Variants in EGLN1 observed in about 807,000 individuals in gnomAD.
The protein encoded by EGLN1 is egl-9 family hypoxia inducible factor 1.
In EGLN1, 17 loss-of-function variants were observed where a neutral mutation model predicts 38.3. The ratio of observed to expected loss-of-function variants is 0.44; its 90% CI spans 0.30 to 0.67. EGLN1 has a LOEUF of 0.67. Ranked by LOEUF, EGLN1 falls within the 30% of genes least tolerant of loss-of-function variation. The pLI is 0.08. For synonymous variants in EGLN1, 283 were observed against 257.5 expected (o/e 1.10, Z -0.95); for missense variants, 477 against 603.3 (o/e 0.79, Z 2.19).
intron 1 of EGLN1, among the ~76,000 whole-genome samples, chr1:231,410,081 G>T (rs1267855599): frequency 6.6e-6 from 1 of 152,162 alleles, no homozygotes; most frequent in Non-Finnish European, 1.5e-5. Flanking sequence ...CACTGCCAAG[G>T]AAGAACTGAC....
At chr1:231,375,419 T>C (rs369905948) in intron 1 of EGLN1, among the ~76,000 whole-genome samples, 2 of 152,224 alleles carry the variant, frequency 1.3e-5, no homozygotes, top group East Asian at 3.8e-4. Flanking sequence ...TGAATTAGTA[T>C]AAAGTTATCA....
At chr1:231,403,605 T>C (rs950838746) in intron 1 of EGLN1, among the ~76,000 whole-genome samples, 1 of 151,506 alleles carries the variant, frequency 6.6e-6, no homozygotes, top group Admixed American at 6.6e-5. Flanking sequence ...ACCCTGTCTC[T>C]ACTAAAAATA....
chr1:231,366,142 C>A lies in EGLN1; in HGVS notation c.*269G>T. Reference sequence around the variant, plus strand: ...AGAATGAAAAAAATTCTACACAGGGCACTTATTTCATATCCAGATGTAAAA... The same window carrying A: ...AGAATGAAAAAAATTCTACACAGGGAACTTATTTCATATCCAGATGTAAAA... On this transcript the variant is annotated 3_prime_UTR_variant, in exon 5 of 5. Coordinates refer to ENST00000366641, the MANE Select transcript of EGLN1 (RefSeq NM_022051.3). 2.0e-6 allele frequency: 1 copy of A among 509,678 alleles called. No homozygotes were observed. The highest frequency in any genetic ancestry group is 3.5e-6 in the Non-Finnish European group (1 of 287,342). The allele number at this position is 509,678 out of a possible 1,614,324, so 31.6% of individuals were successfully genotyped here.
chr1:231,378,916 T>C (rs751701663), intron 1 of EGLN1, among the ~76,000 whole-genome samples: 6 of 152,240 alleles, frequency 3.9e-5, no homozygotes, highest in African/African-American at 1.4e-4. Context: ...TGCTTTGACA[T>C]AGCACTATGC....
At chr1:231,416,783 T>C (rs553862263) in intron 1 of EGLN1, among the ~76,000 whole-genome samples, 7 of 152,334 alleles carry the variant, frequency 4.6e-5, no homozygotes, top group African/African-American at 1.7e-4. Flanking sequence ...GATCACAATC[T>C]ATTAAGACTA....
At position 231,367,491 on chromosome 1, in the gene EGLN1, T is replaced by C. The variant is rs1009959986; in HGVS notation, c.1216+78A>G. 5.0e-5 allele frequency: 70 copies of C among 1,391,718 alleles called. 1 individual carries two copies. In the South Asian group the frequency reaches 7.7e-4, roughly 15 times the overall value. 86.2% of individuals were successfully genotyped at this position (1,391,718 alleles called of 1,614,324 possible). On this transcript the variant is annotated intron_variant, in intron 4 of 4. Coordinates refer to ENST00000366641, the MANE Select transcript of EGLN1 (RefSeq NM_022051.3). ...GTATTCATGGTGTTAACAAAGACTA[T>C]GCTTGAGTTTCCTGAAAGCATCACC... is the stretch of plus-strand genomic sequence containing the variant.
intron 1 of EGLN1, among the ~76,000 whole-genome samples, chr1:231,380,483 A>C (rs985621428): frequency 9.7e-5 from 12 of 124,120 alleles, no homozygotes; most frequent in African/African-American, 3.1e-4. Flanking sequence ...TATTTTAAAA[A>C]GACATATAAG....
intron 1 of EGLN1, among the ~76,000 whole-genome samples, chr1:231,402,314 A>AT (rs1688682364): frequency 1.9e-5 from 2 of 106,620 alleles, no homozygotes; most frequent in Non-Finnish European, 4.8e-5. Context: ...ACATGGTCTA[A>AT]TTTATCAGTG....
chr1:231,408,697 G>C (rs1424562366), intron 1 of EGLN1, among the ~76,000 whole-genome samples: 1 of 152,144 alleles, frequency 6.6e-6, no homozygotes, highest in Non-Finnish European at 1.5e-5. Flanking sequence ...CTCGCCTCAA[G>C]TGGCTCACTA....
At chr1:231,370,859 T>C (rs1687803802) in intron 2 of EGLN1, among the ~76,000 whole-genome samples, 161 bp from the exon 3 acceptor site, 1 of 152,222 alleles carries the variant, frequency 6.6e-6, no homozygotes, top group African/African-American at 2.4e-5. Flanking sequence ...GTATATGCAC[T>C]GATGCAAGGA....
chr1:231,365,178 T>C lies in EGLN1; in HGVS notation c.*1233A>G, dbSNP rs566624356. 1 of 152,280 alleles carries C rather than the reference T, an allele frequency of 6.6e-6. No homozygotes were observed. The highest frequency in any genetic ancestry group is 2.4e-5 in the African/African-American group (1 of 41,556). The allele number at this position is 152,280 out of a possible 1,614,324, so 9.4% of individuals were successfully genotyped here. A position where few individuals can be genotyped will look rare whatever the true frequency, so the allele number is the denominator to read the frequency against. ...GTACATAATCTCCCCTTGATGCTCT[T>C]CAACAGAGACAAGGTTCTTGTCTGC... is the stretch of plus-strand genomic sequence containing the variant. On this transcript the variant is annotated 3_prime_UTR_variant, in exon 5 of 5. Coordinates refer to ENST00000366641, the MANE Select transcript of EGLN1 (RefSeq NM_022051.3).
rs767096160 is a variant in EGLN1, at chr1:231,364,787, T to C, written c.*1624A>G. The C allele has an allele frequency of 6.6e-6, 1 of 152,196 alleles. No homozygotes were observed. The allele number at this position is 152,196 out of a possible 1,614,324, so 9.4% of individuals were successfully genotyped here. A position where few individuals can be genotyped will look rare whatever the true frequency, so the allele number is the denominator to read the frequency against. ...TGGCAAAGAAGATCAAGGACAGAGA[T>C]AGAAAACCTAAGTGGGCAAGGTCTT... On this transcript the variant is annotated 3_prime_UTR_variant, in exon 5 of 5. Transcript: ENST00000366641.
intron 1 of EGLN1, among the ~76,000 whole-genome samples, chr1:231,413,935 C>G (rs901428025): frequency 6.6e-6 from 1 of 152,104 alleles, no homozygotes; most frequent in African/African-American, 2.4e-5. Flanking sequence ...AGAAATGAAA[C>G]TAATTCTGAA....
At chr1:231,385,882 G>A (rs536164542) in intron 1 of EGLN1, among the ~76,000 whole-genome samples, 2 of 152,176 alleles carry the variant, frequency 1.3e-5, no homozygotes, top group South Asian at 2.1e-4. Flanking sequence ...CCTGAGACAC[G>A]GTCTTGCTCT....
At chr1:231,420,261 A>C (rs558341611) in intron 1 of EGLN1, 1 of 152,268 alleles carries the variant, frequency 6.6e-6, no homozygotes, top group South Asian at 2.1e-4. Context: ...GTTACAAAAC[A>C]GTTTTCAACA....
At chr1:231,416,684 GTAAAA>G (rs778938181) in intron 1 of EGLN1, among the ~76,000 whole-genome samples, 27 of 152,030 alleles carry the variant, frequency 1.8e-4, no homozygotes, top group Non-Finnish European at 3.2e-4. Flanking sequence ...ATCTTTTAAC[GTAAAA>G]TAAAATTCCT....
Position 231,366,238 on chromosome 1 carries a change from A to C in EGLN1, c.*173T>G, listed in dbSNP as rs781574571. On this transcript the variant is annotated 3_prime_UTR_variant, in exon 5 of 5. Coordinates refer to ENST00000366641, the MANE Select transcript of EGLN1 (RefSeq NM_022051.3). ...GATTTGAAGTTGATCATGCAGTACA[A>C]AGTCACAGCAGTCAAAATCTTCTGT... is the stretch of plus-strand genomic sequence containing the variant. The C allele has an allele frequency of 7.4e-6, 5 of 679,584 alleles. No individual in the cohort carries two copies. The highest frequency in any genetic ancestry group is 1.3e-5 in the Non-Finnish European group (5 of 385,988). 42.1% of individuals were successfully genotyped at this position (679,584 alleles called of 1,614,324 possible).
chr1:231,412,011 C>CAAAAAAAAA lies in EGLN1; in HGVS notation c.891+8978_891+8986dup, dbSNP rs747472895. Among the ~76,000 whole-genome samples, 11 of 33,666 alleles carry CAAAAAAAAA rather than the reference C, an allele frequency of 3.3e-4. 2 individuals are homozygous for CAAAAAAAAA. Among genetic ancestry groups the CAAAAAAAAA allele is most frequent in the African/African-American group, 7.1e-4 (8 of 11,288 alleles). 22.1% of individuals were successfully genotyped at this position (33,666 alleles called of 152,430 possible). On this transcript the variant is annotated intron_variant, in intron 1 of 4. Coordinates refer to ENST00000366641, the MANE Select transcript of EGLN1 (RefSeq NM_022051.3). ...TGGGTGACAGAGTGAGACTCCATCT[C>CAAAAAAAAA]AAAAAAAAAAAAAAAAAAAAAAAAA...
At chr1:231,406,241 G>A (rs1267666752) in intron 1 of EGLN1, among the ~76,000 whole-genome samples, 1 of 151,540 alleles carries the variant, frequency 6.6e-6, no homozygotes, top group Admixed American at 6.6e-5. Flanking sequence ...AAACAAACGA[G>A]AACAGAGGCA....
Sources: gnomAD v4.1 joint callset for allele counts (sites outside exome capture counted in the v4.1 genomes callset) on GRCh38, gnomAD v4.1.1 for gene constraint, MANE v1.5 for transcripts, NCBI Gene and HGNC (gene_info 2026-07-23, HGNC 2026-07-21) for gene names.